HUNK: variants seen among roughly 807,000 people sequenced by gnomAD.
The protein encoded by HUNK is hormonally up-regulated neu tumor-associated kinase.
Under a neutral mutation model 61.0 loss-of-function variants are expected in HUNK, and 21 were observed. The ratio of observed to expected loss-of-function variants is 0.34; its 90% CI spans 0.24 to 0.50. The LOEUF (loss-of-function observed/expected upper bound fraction) is 0.50. Among genes scored for constraint, HUNK ranks in the 20% least tolerant of loss-of-function variants. HUNK has a pLI of 0.98. For missense variants in HUNK, 772 were observed against 945.7 expected, an observed-to-expected ratio of 0.82 and a Z score of 2.41; for synonymous variants, 371 against 386.1, an observed-to-expected ratio of 0.96 and a Z score of 0.46.
chr21:31,954,344 C>G (rs774105366), intron 4 of HUNK, among the ~76,000 whole-genome samples: 1 of 152,298 alleles, frequency 6.6e-6, no homozygotes, highest in East Asian at 1.9e-4. Context: ...GAAGAACGTT[C>G]TCGATAACTG....
At chr21:31,927,785 T>A (rs2052671048) in intron 2 of HUNK, among the ~76,000 whole-genome samples, 2 of 152,182 alleles carry the variant, frequency 1.3e-5, no homozygotes, top group Admixed American at 6.5e-5. Flanking sequence ...TGCCCTCTCA[T>A]GTCTAAACCC....
At chr21:31,947,993 A>ACACCATG (rs2052821431) in intron 4 of HUNK, among the ~76,000 whole-genome samples, 1 of 152,244 alleles carries the variant, frequency 6.6e-6, no homozygotes, top group Non-Finnish European at 1.5e-5. Flanking sequence ...TGTGTGCCAG[A>ACACCATG]CACCATGTCA....
At chr21:31,972,426 A>G (rs962747138) in intron 6 of HUNK, among the ~76,000 whole-genome samples, 9 of 152,328 alleles carry the variant, frequency 5.9e-5, no homozygotes, top group Admixed American at 3.9e-4. Flanking sequence ...CATTTAAACT[A>G]TTCCTCTCAG....
At chr21:31,896,890 C>CTAG (rs2052428579) in intron 1 of HUNK, among the ~76,000 whole-genome samples, 1 of 152,212 alleles carries the variant, frequency 6.6e-6, no homozygotes, top group East Asian at 1.9e-4. Flanking sequence ...AATGTTGTTG[C>CTAG]TAGTAGCATG....
At position 31,998,649 on chromosome 21, in the gene HUNK, C is replaced by T. The variant is rs752844375; in HGVS notation, c.1610C>T (p.Pro537Leu). The T allele has an allele frequency of 4.3e-6, 7 of 1,614,024 alleles. No individual in the cohort carries two copies. The highest frequency in any genetic ancestry group is 2.2e-5 in the South Asian group (2 of 91,078). ...RTPRIVKKPE[P>L]HQPGPGSTGI... The stretch of plus-strand genomic sequence containing the variant: ...CCGAGGATTGTGAAGAAACCGGAGC[C>T]CCATCAGCCAGGGCCCGGAAGCACT... The change falls in exon 11 of 11, where the codon CCC becomes CTC. Residue 537 changes from proline to leucine, a missense_variant. Pro to Leu is a moderately conservative substitution (Grantham distance 98). Around this residue, in one of 2 missense-constraint regions of HUNK, gnomAD observed 413 missense variants for 444.4 expected, o/e 0.93. Coordinates refer to ENST00000270112, the MANE Select transcript of HUNK (RefSeq NM_014586.2).
intron 5 of HUNK, among the ~76,000 whole-genome samples, chr21:31,965,287 G>T (rs1379987611): frequency 6.6e-6 from 1 of 151,618 alleles, no homozygotes; most frequent in Non-Finnish European, 1.5e-5. Flanking sequence ...ATAGACACTG[G>T]GGCCCACTTG....
At chr21:31,886,639 GGT>G (rs1474738134) in intron 1 of HUNK, among the ~76,000 whole-genome samples, 3 of 151,992 alleles carry the variant, frequency 2.0e-5, no homozygotes, top group Middle Eastern at 3.4e-3. Context: ...AATAGTTTCT[GGT>G]ACAGAGAATA....
chr21:31,886,681 GAC>G (rs1221806993), intron 1 of HUNK, among the ~76,000 whole-genome samples: 1 of 149,220 alleles, frequency 6.7e-6, no homozygotes, highest in East Asian at 1.9e-4. Flanking sequence ...TTTTTTTTGA[GAC>G]AGTTCCGCTC....
intron 1 of HUNK, among the ~76,000 whole-genome samples, chr21:31,895,283 C>G (rs1229782037): frequency 6.6e-6 from 1 of 152,084 alleles, no homozygotes; most frequent in Non-Finnish European, 1.5e-5. Context: ...CTTCAGGGGC[C>G]CAGGGCTCTC....
At chr21:31,921,553 G>A (rs1274477557) in intron 1 of HUNK, among the ~76,000 whole-genome samples, 1 of 152,112 alleles carries the variant, frequency 6.6e-6, no homozygotes, top group Non-Finnish European at 1.5e-5. Context: ...GGACCGGGTG[G>A]TGGTGGGGCT....
At chr21:31,996,017 A>C (rs910744638) in intron 10 of HUNK, 69 bp downstream of exon 10, 30 of 1,213,366 alleles carry the variant, frequency 2.5e-5, no homozygotes, top group Non-Finnish European at 3.3e-5. Context: ...TAGCCCTCAC[A>C]GGGGATGGTC....
rs948676027 is a variant in HUNK at position 31,909,756 on chromosome 21, A to G, written c.262-14712A>G. ...CACTGAAATTAATTATAAAGCCAGC[A>G]AAGGCTATTTTCTGCTTTCTGTTAA... On this transcript the variant is annotated intron_variant, in intron 1 of 10. Coordinates refer to ENST00000270112, the MANE Select transcript of HUNK (RefSeq NM_014586.2). Among the ~76,000 whole-genome samples, 7 of 152,364 alleles carry G rather than the reference A, an allele frequency of 4.6e-5. No individual in the cohort carries two copies. The East Asian group carries it at 1.4e-3, about 29-fold the overall frequency.
intron 2 of HUNK, among the ~76,000 whole-genome samples, chr21:31,938,697 C>A (rs1180610616): frequency 6.6e-6 from 1 of 152,126 alleles, no homozygotes; most frequent in Non-Finnish European, 1.5e-5. Flanking sequence ...AAAAGCTGGA[C>A]CAAGAATGGT....
chr21:31,957,156 C>T (rs966596572), intron 4 of HUNK, among the ~76,000 whole-genome samples: 3 of 152,200 alleles, frequency 2.0e-5, no homozygotes, highest in Non-Finnish European at 2.9e-5. Context: ...CTTTTGCACT[C>T]ATCACCGCTT....
At chr21:31,931,698 C>T (rs950343151) in intron 2 of HUNK, among the ~76,000 whole-genome samples, 1 of 152,148 alleles carries the variant, frequency 6.6e-6, no homozygotes, top group Non-Finnish European at 1.5e-5. Flanking sequence ...CCACGTCTCA[C>T]GCTCTCCTCC....
In HUNK at chr21:31,958,949, C is replaced by T. The variant is rs1211027934; in HGVS notation, c.853C>T (p.Leu285Phe). The change falls in exon 5 of 11, where the codon CTC becomes TTC. Residue 285 changes from leucine to phenylalanine, a missense_variant. Physicochemically the swap from Leu to Phe is conservative, Grantham distance 22. Coordinates refer to ENST00000270112, the MANE Select transcript of HUNK (RefSeq NM_014586.2). The part of the protein sequence containing the change: ...QKMVDKEMNP[L>F]PTQLSTGAIS... ...GATGGTAGACAAAGAAATGAACCCC[C>T]TCCCCACTCAGCTCTCCACAGGTAA... 1.9e-6 allele frequency: 3 copies of T among 1,608,432 alleles called. No homozygotes were observed. The highest frequency in any genetic ancestry group is 1.7e-6 in the Non-Finnish European group (2 of 1,178,068).
intron 4 of HUNK, among the ~76,000 whole-genome samples, chr21:31,948,440 C>T (rs1223528414): frequency 1.3e-5 from 2 of 152,212 alleles, no homozygotes. Flanking sequence ...TTGAGGCCCT[C>T]CCATGTACCC....
chr21:31,911,491 C>T (rs1378035018), intron 1 of HUNK, among the ~76,000 whole-genome samples: 1 of 152,168 alleles, frequency 6.6e-6, no homozygotes, highest in Non-Finnish European at 1.5e-5. Flanking sequence ...AACGAGGAGG[C>T]GGGTCAAGCC....
intron 1 of HUNK, among the ~76,000 whole-genome samples, chr21:31,894,192 C>T (rs1601363457): frequency 6.6e-6 from 1 of 152,218 alleles, no homozygotes; most frequent in African/African-American, 2.4e-5. Flanking sequence ...TGAAAGAAAG[C>T]ACATCTAAGA....
Sources: allele counts gnomAD v4.1 joint callset (sites outside exome capture counted in the v4.1 genomes callset), GRCh38; gene constraint gnomAD v4.1.1; regional missense constraint gnomAD v4.1.1; transcripts MANE v1.5; gene names NCBI Gene and HGNC (gene_info 2026-07-23, HGNC 2026-07-21).